The following ISM1 variants were observed in gnomAD, a reference collection of about 807,000 sequenced individuals.
The protein encoded by ISM1 is isthmin-1.
A neutral mutation model predicts 46.3 loss-of-function variants in ISM1; 25 were observed. The observed-to-expected ratio is 0.54, with a 90% CI of 0.39 to 0.75. The LOEUF (loss-of-function observed/expected upper bound fraction) is 0.75, where lower values mean the gene tolerates loss of function less well. Ranked by LOEUF, ISM1 falls within the 30% of genes least tolerant of loss-of-function variation. ISM1 has a pLI of 0.00. For synonymous variants in ISM1, 255 were observed against 256.7 expected, an observed-to-expected ratio of 0.99 and a Z score of 0.06; for missense variants, 536 against 625.4, an observed-to-expected ratio of 0.86 and a Z score of 1.52.
At chr20:13,237,618 C>T (rs1235221844) in intron 1 of ISM1, among the ~76,000 whole-genome samples, 1 of 152,146 alleles carries the variant, frequency 6.6e-6, no homozygotes, top group East Asian at 1.9e-4. Context: ...GCCTCTTGAT[C>T]TAGGCATTGG....
At chr20:13,293,560 C>T (rs2040376708) in intron 5 of ISM1, among the ~76,000 whole-genome samples, 1 of 151,918 alleles carries the variant, frequency 6.6e-6, no homozygotes, top group South Asian at 2.1e-4. Context: ...AAAAATGTTC[C>T]TCAAATGCCT....
chr20:13,247,180 G>A lies in ISM1; in HGVS notation c.139-23324G>A, dbSNP rs1307191972. ...TGGGAGGCAGAGGTTTCAGTGAGCCGAGATCGCACCATTGCACTCCAGCCT... is the reference window on the plus strand; with the variant it reads ...TGGGAGGCAGAGGTTTCAGTGAGCCAAGATCGCACCATTGCACTCCAGCCT... On this transcript the variant is annotated intron_variant, in intron 1 of 5. Coordinates refer to ENST00000262487, the MANE Select transcript of ISM1 (RefSeq NM_080826.2). 1.1e-4 allele frequency among the ~76,000 whole-genome samples: 17 copies of A among 152,070 alleles called. 1 individual carries two copies. Among genetic ancestry groups the A allele is most frequent in the African/African-American group, 3.1e-4 (13 of 41,486 alleles).
chr20:13,321,253 T>TAA, the ISM1 span, among the ~76,000 whole-genome samples: 650 of 57,422 alleles, frequency 0.011, 41 homozygotes, highest in African/African-American at 0.038. Flanking sequence ...GTGCCCCACA[T>TAA]AAAAAAAAAA....
In ISM1 at chr20:13,292,978, C is replaced by T. The variant is rs142299565; in HGVS notation, c.877+515C>T. On this transcript the variant is annotated intron_variant, in intron 5 of 5. Coordinates refer to ENST00000262487, the MANE Select transcript of ISM1 (RefSeq NM_080826.2). Reference sequence around the variant, plus strand: ...TTGGGAGGCTGAGGCGGGCAGATCACGAGGTCAGGAGATCAAGACCATCCT... The same window carrying T: ...TTGGGAGGCTGAGGCGGGCAGATCATGAGGTCAGGAGATCAAGACCATCCT... 1.2e-4 allele frequency among the ~76,000 whole-genome samples: 18 copies of T among 151,988 alleles called. No homozygotes were observed. The East Asian group carries it at 2.7e-3, about 23-fold the overall frequency.
At position 13,299,773 on chromosome 20, in the gene ISM1, A is replaced by C; in HGVS notation, c.*314A>C. On this transcript the variant is annotated 3_prime_UTR_variant, in exon 6 of 6. Coordinates refer to ENST00000262487, the MANE Select transcript of ISM1 (RefSeq NM_080826.2). The surrounding 1 kb of genome is among the most constrained non-coding windows in gnomAD (Gnocchi z 5.8). ...TGGGTGCGACTCAATTCACACCCGG[A>C]TCCAGAGTTTCAAAGAGAGGCAAAG... The C allele has an allele frequency of 3.7e-6, 1 of 268,238 alleles. No individual in the cohort carries two copies. The highest frequency in any genetic ancestry group is 7.1e-6 in the Non-Finnish European group (1 of 140,060). 16.6% of individuals were successfully genotyped at this position (268,238 alleles called of 1,614,324 possible).
At chr20:13,283,306 G>A (rs1005463813) in intron 3 of ISM1, among the ~76,000 whole-genome samples, 9 of 152,158 alleles carry the variant, frequency 5.9e-5, no homozygotes, top group African/African-American at 1.9e-4. Context: ...GGAAGGAGAG[G>A]TTCATGCAAT....
chr20:13,250,025 G>A (rs2039849546), intron 1 of ISM1, among the ~76,000 whole-genome samples: 1 of 152,106 alleles, frequency 6.6e-6, no homozygotes, highest in Non-Finnish European at 1.5e-5. Context: ...TCGCTTCCAG[G>A]GGAACTGGAT....
At chr20:13,255,098 T>A (rs545895643) in intron 1 of ISM1, among the ~76,000 whole-genome samples, 61 of 152,138 alleles carry the variant, frequency 4.0e-4, no homozygotes, top group African/African-American at 1.4e-3. Context: ...ATACTACAAA[T>A]TAAATAAGCA....
At chr20:13,263,276 T>C (rs1350939664) in intron 1 of ISM1, among the ~76,000 whole-genome samples, 1 of 152,066 alleles carries the variant, frequency 6.6e-6, no homozygotes, top group African/African-American at 2.4e-5. Context: ...GTGCAGTTTT[T>C]CCCCAGTGCA....
downstream of ISM1, among the ~76,000 whole-genome samples, chr20:13,304,998 C>A (rs1041975988): frequency 6.6e-6 from 1 of 152,054 alleles, no homozygotes; most frequent in Non-Finnish European, 1.5e-5. Context: ...CGCTTAAATA[C>A]TTATTAAGTG....
At chr20:13,280,169 TC>T (rs1344397018) in intron 3 of ISM1, among the ~76,000 whole-genome samples, 1 of 151,882 alleles carries the variant, frequency 6.6e-6, no homozygotes, top group Non-Finnish European at 1.5e-5. Context: ...TCTTTCTGCC[TC>T]CCCCGCCCCT....
the ISM1 span, among the ~76,000 whole-genome samples, chr20:13,311,250 TAGATAGATAGATA>T: frequency 2.3e-5 from 3 of 127,748 alleles, no homozygotes; most frequent in Non-Finnish European, 5.0e-5. Flanking sequence ...AGATGATAGA[TAGATAGATAGATA>T]GATAGATAGA....
rs1357221678 is a variant in ISM1 at position 13,233,757 on chromosome 20, TCTC to T, written c.138+11844_138+11846del. 3.3e-5 allele frequency among the ~76,000 whole-genome samples: 5 copies of T among 152,258 alleles called. No individual in the cohort carries two copies. In the East Asian group the frequency reaches 9.7e-4, roughly 29 times the overall value. ...TCATTATGAGGGAAAATACTGTCCT[TCTC>T]TTACACATAAGGTAACCCATCCATT... On this transcript the variant is annotated intron_variant, in intron 1 of 5. Coordinates refer to ENST00000262487, the MANE Select transcript of ISM1 (RefSeq NM_080826.2).
At chr20:13,247,730 G>T in intron 1 of ISM1, among the ~76,000 whole-genome samples, 1 of 152,158 alleles carries the variant, frequency 6.6e-6, no homozygotes, top group East Asian at 1.9e-4. Context: ...TCATAAAGGA[G>T]AGGAAACCTG....
At chr20:13,293,789 C>G (rs1176229474) in intron 5 of ISM1, among the ~76,000 whole-genome samples, 1 of 152,056 alleles carries the variant, frequency 6.6e-6, no homozygotes, top group African/African-American at 2.4e-5. Context: ...GCCTGGCCAA[C>G]ATGGGGAAAC....
chr20:13,258,052 C>G (rs2039947059), intron 1 of ISM1, among the ~76,000 whole-genome samples: 1 of 152,042 alleles, frequency 6.6e-6, no homozygotes, highest in South Asian at 2.1e-4. Flanking sequence ...GTCATGAGAC[C>G]AGATTTAATG....
rs138629622 is a variant in ISM1 at position 13,286,774 on chromosome 20, C to T, written c.644-1766C>T. On this transcript the variant is annotated intron_variant, in intron 3 of 5. Coordinates refer to ENST00000262487, the MANE Select transcript of ISM1 (RefSeq NM_080826.2). The stretch of plus-strand genomic sequence containing the variant: ...TAAACAACAGCCTGGAAGGCTGGCA[C>T]GGGCCCACATTTCAGGTAGAAACAT... 6.2e-3 allele frequency among the ~76,000 whole-genome samples: 946 copies of T among 152,322 alleles called. 12 individuals carry two copies. Among genetic ancestry groups the T allele is most frequent in the African/African-American group, 0.022 (906 of 41,576 alleles).
intron 1 of ISM1, among the ~76,000 whole-genome samples, chr20:13,268,337 CCTT>C (rs1244640209): frequency 2.8e-5 from 4 of 143,474 alleles, no homozygotes; most frequent in Non-Finnish European, 6.1e-5. Flanking sequence ...TTCTCCTTCT[CCTT>C]CTTCTTCCTC....
the ISM1 span, among the ~76,000 whole-genome samples, chr20:13,314,714 A>C: frequency 6.6e-6 from 1 of 152,128 alleles, no homozygotes; most frequent in Non-Finnish European, 1.5e-5. Flanking sequence ...AGGAATAGTG[A>C]AGGTAAAACA....
Sources: gnomAD v4.1 joint callset for allele counts (sites outside exome capture counted in the v4.1 genomes callset) on GRCh38, gnomAD v4.1.1 for gene constraint, Gnocchi (gnomAD v3.1) non-coding constraint, MANE v1.5 for transcripts, NCBI Gene and HGNC (gene_info 2026-07-23, HGNC 2026-07-21) for gene names.